CAPN8: variants seen among roughly 807,000 people sequenced by gnomAD.
CAPN8 encodes calpain 8, also known as calpain-8.
Under a neutral mutation model 80.9 loss-of-function variants are expected in CAPN8, and 87 were observed. That is an observed-to-expected ratio of 1.07 (90% CI 0.90 to 1.28). CAPN8 has a LOEUF of 1.28. Among genes scored for constraint, CAPN8 ranks in the 50% most tolerant of loss-of-function variants. The pLI is 0.00. For missense variants in CAPN8, 757 were observed against 702.0 expected (o/e 1.08, Z -0.89); for synonymous variants, 299 against 273.8 (o/e 1.09, Z -0.91).
At chr1:223,549,183 G>C (rs1656714437) in intron 16 of CAPN8, 135 bp downstream of exon 16, 2 of 1,145,304 alleles carry the variant, frequency 1.7e-6, no homozygotes, top group Non-Finnish European at 2.4e-6. Flanking sequence ...TACAATCCTT[G>C]ACATATGCTC....
At chr1:223,546,885 G>GGTGGTTGTT (rs973883560) in intron 16 of CAPN8, among the ~76,000 whole-genome samples, 2,407 of 149,982 alleles carry the variant, frequency 0.016, 23 homozygotes, top group South Asian at 0.03. Flanking sequence ...TTTGTTTTGT[G>GGTGGTTGTT]GTTGTTGTTG....
rs760180837 is a variant in CAPN8 at position 223,614,801 on chromosome 1, G to A, written c.1311+1169C>T. On this transcript the variant is annotated intron_variant, in intron 10 of 20. Coordinates refer to ENST00000366872, the MANE Select transcript of CAPN8 (RefSeq NM_001143962.2). ...TCACTACAGTTTGTTGAATTGATGC[G>A]CATACACTAAGTGCCTACTCAGGTT... Among the ~76,000 whole-genome samples the A allele has an allele frequency of 8.5e-5, 13 of 152,284 alleles. No individual in the cohort carries two copies. In the East Asian group the frequency reaches 1.5e-3, roughly 18 times the overall value.
At chr1:223,627,623 C>T (rs901838443) in intron 4 of CAPN8, among the ~76,000 whole-genome samples, 3 of 152,140 alleles carry the variant, frequency 2.0e-5, no homozygotes, top group Non-Finnish European at 4.4e-5. Flanking sequence ...GAGAAGAACT[C>T]CTGAGGAAAG....
rs781755828 is a variant in CAPN8, at chr1:223,622,815, T to C, written c.899A>G (p.Asp300Gly). Residue 300 changes from aspartate (D) to glycine (G), a missense_variant and splice_region_variant, in exon 7 of 21, where the codon GAT (aspartate) becomes GGT (glycine). Transcript: ENST00000366872. Reference sequence around the variant, plus strand: ...GGAGAAGCGGGGGAAAAAAACCTACTCATCGCTCCAGGCTCCCGACCACTC... The same window carrying C: ...GGAGAAGCGGGGGAAAAAAACCTACCCATCGCTCCAGGCTCCCGACCACTC... ...EVEWSGAWSD[D>G]APEWNHIDPR... is the part of the protein sequence containing the mutation. 4 of 1,551,418 alleles carry C rather than the reference T, an allele frequency of 2.6e-6. No homozygotes were observed. In the African/African-American group the frequency reaches 5.5e-5, roughly 21 times the overall value.
intron 15 of CAPN8, 88 bp downstream of exon 15, chr1:223,550,872 G>A: frequency 1.5e-6 from 1 of 673,794 alleles, no homozygotes; most frequent in Non-Finnish European, 2.7e-6. Flanking sequence ...CACCTGTGGT[G>A]CTGCCAGCCC....
At chr1:223,543,250 A>C in intron 19 of CAPN8, 84 bp from the exon 20 acceptor site, 1 of 1,457,588 alleles carries the variant, frequency 6.9e-7, no homozygotes, top group Non-Finnish European at 9.4e-7. Context: ...TGTCTACCCC[A>C]TCCCCACCTG....
intron 16 of CAPN8, among the ~76,000 whole-genome samples, chr1:223,547,220 A>G (rs1656647604): frequency 6.6e-6 from 1 of 152,124 alleles, no homozygotes; most frequent in Non-Finnish European, 1.5e-5. Context: ...TCAATTTTTA[A>G]AATTTTTTTT....
intron 2 of CAPN8, among the ~76,000 whole-genome samples, chr1:223,629,822 T>A (rs879049255): frequency 8.6e-5 from 13 of 151,984 alleles, no homozygotes; most frequent in Non-Finnish European, 1.6e-4. Context: ...GTCTAAGATT[T>A]GGTGAACAAG....
chr1:223,549,133 C>T (rs1656712848), intron 16 of CAPN8, among the ~76,000 whole-genome samples, 185 bp downstream of exon 16: 1 of 152,152 alleles, frequency 6.6e-6, no homozygotes, highest in Non-Finnish European at 1.5e-5. Context: ...CTTTCTGAGA[C>T]ACATCCATGA....
At chr1:223,634,467 G>A (rs190382547) in intron 2 of CAPN8, among the ~76,000 whole-genome samples, 5 of 152,290 alleles carry the variant, frequency 3.3e-5, no homozygotes, top group East Asian at 1.9e-4. Context: ...TTATACCCAC[G>A]TGCCATCCTA....
intron 5 of CAPN8, among the ~76,000 whole-genome samples, chr1:223,626,777 A>G (rs550704351): frequency 1.3e-5 from 2 of 152,242 alleles, no homozygotes; most frequent in African/African-American, 4.8e-5. Flanking sequence ...GGCTCCTGCA[A>G]TGCAACTAAC....
intron 11 of CAPN8, among the ~76,000 whole-genome samples, chr1:223,611,620 G>A (rs1046992641): frequency 1.3e-5 from 2 of 152,146 alleles, no homozygotes; most frequent in Non-Finnish European, 1.5e-5. Context: ...TTTCCTGGGT[G>A]AAGCCAAGAA....
intron 2 of CAPN8, among the ~76,000 whole-genome samples, chr1:223,630,842 G>T (rs1402853271): frequency 6.6e-6 from 1 of 152,106 alleles, no homozygotes; most frequent in East Asian, 1.9e-4. Flanking sequence ...GAAGCCTCAA[G>T]CAGGGCAGTC....
chr1:223,625,766 T>C (rs2102711529), intron 6 of CAPN8, 39 bp downstream of exon 6: 1 of 1,491,684 alleles, frequency 6.7e-7, no homozygotes, highest in Non-Finnish European at 9.1e-7. Flanking sequence ...ATGGAAATAT[T>C]ATCACACGTT....
At chr1:223,644,572 C>A (rs1167147126) in intron 2 of CAPN8, among the ~76,000 whole-genome samples, 3 of 152,140 alleles carry the variant, frequency 2.0e-5, no homozygotes, top group African/African-American at 7.2e-5. Flanking sequence ...GTGAGAAAGA[C>A]AAACAATAAA....
intron 16 of CAPN8, among the ~76,000 whole-genome samples, chr1:223,547,095 G>A (rs1453472651): frequency 6.6e-6 from 1 of 152,110 alleles, no homozygotes; most frequent in Non-Finnish European, 1.5e-5. Context: ...TGTATTTTTA[G>A]TAGAGACAGG....
At chr1:223,643,956 T>A (rs11588601) in intron 2 of CAPN8, among the ~76,000 whole-genome samples, 57,561 of 151,414 alleles carry the variant, frequency 0.38, 12,242 homozygotes, top group Non-Finnish European at 0.49. Context: ...TTAAAAAAAA[T>A]TTTTTTAATA....
chr1:223,641,239 C>T (rs960814760), intron 2 of CAPN8, among the ~76,000 whole-genome samples: 1 of 152,114 alleles, frequency 6.6e-6, no homozygotes, highest in Non-Finnish European at 1.5e-5. Flanking sequence ...TGATTCATTC[C>T]TTGTTCAAAG....
chr1:223,657,354 A>T (rs182242714), intron 1 of CAPN8, among the ~76,000 whole-genome samples: 17 of 152,280 alleles, frequency 1.1e-4, no homozygotes, highest in Admixed American at 9.2e-4. Flanking sequence ...AGAGAAAAAA[A>T]TTTTAATTTA....
Sources: gnomAD v4.1 joint callset for allele counts (sites outside exome capture counted in the v4.1 genomes callset) on GRCh38, gnomAD v4.1.1 for gene constraint, MANE v1.5 for transcripts, NCBI Gene and HGNC (gene_info 2026-07-23, HGNC 2026-07-21) for gene names.